Variants in C3orf20 observed in about 807,000 individuals in gnomAD.
C3orf20 encodes family with sequence similarity 149 member C.
In C3orf20, 76 loss-of-function variants were observed where a neutral mutation model predicts 88.3. The ratio of observed to expected loss-of-function variants is 0.86; its 90% CI spans 0.72 to 1.04. The LOEUF (loss-of-function observed/expected upper bound fraction) is 1.04. C3orf20 is among the 50% of genes least tolerant of loss of function. The pLI is 0.00. For missense variants in C3orf20, 1,056 were observed against 1,123.3 expected, an observed-to-expected ratio of 0.94 and a Z score of 0.86; for synonymous variants, 436 against 437.4, an observed-to-expected ratio of 1.00 and a Z score of 0.04.
chr3:14,728,561 T>C lies in C3orf20; in HGVS notation c.1813T>C (p.Leu605=), dbSNP rs376405500. ...AAGTTTATACTCAGGAGAAAGTCTT[T>C]TACGATCTCAGTCAGGCCACCTGGA... is the stretch of plus-strand genomic sequence containing the variant. The part of the protein sequence containing the change: ...KLSLYSGESL[L]RSQSGHLESS... Residue 605 remains leucine, a synonymous_variant, in exon 12 of 17, where the codon TTA becomes CTA. Transcript: ENST00000253697. 1 of 1,614,220 alleles carries C rather than the reference T, an allele frequency of 6.2e-7. No homozygotes were observed. The highest frequency in any genetic ancestry group is 8.5e-7 in the Non-Finnish European group (1 of 1,180,050).
At chr3:14,729,243 T>G in intron 12 of C3orf20, among the ~76,000 whole-genome samples, 1 of 151,952 alleles carries the variant, frequency 6.6e-6, no homozygotes, top group Non-Finnish European at 1.5e-5. Flanking sequence ...TGGGCTGTGG[T>G]AGAGGATGAG....
chr3:14,744,643 A>G (rs2035009777), intron 12 of C3orf20, among the ~76,000 whole-genome samples: 1 of 152,026 alleles, frequency 6.6e-6, no homozygotes, highest in Non-Finnish European at 1.5e-5. Flanking sequence ...TTGGACTTAC[A>G]GTTCCCCATG....
At chr3:14,729,304 A>G (rs571189895) in intron 12 of C3orf20, among the ~76,000 whole-genome samples, 3 of 152,280 alleles carry the variant, frequency 2.0e-5, no homozygotes, top group East Asian at 3.9e-4. Flanking sequence ...AAAGGATGAT[A>G]AACAGGCGGC....
intron 12 of C3orf20, among the ~76,000 whole-genome samples, chr3:14,741,971 G>T (rs1299166860): frequency 6.6e-6 from 1 of 152,204 alleles, no homozygotes; most frequent in Non-Finnish European, 1.5e-5. Flanking sequence ...AACTGACATG[G>T]CTCGCTGGTG....
chr3:14,734,405 T>A (rs755611043), intron 12 of C3orf20, among the ~76,000 whole-genome samples: 12 of 152,202 alleles, frequency 7.9e-5, no homozygotes, highest in Admixed American at 1.3e-4. Flanking sequence ...ATATGGTAAT[T>A]ATTAAGCTCA....
chr3:14,724,201 C>T (rs2034271543), intron 10 of C3orf20, among the ~76,000 whole-genome samples: 1 of 152,104 alleles, frequency 6.6e-6, no homozygotes, highest in Admixed American at 6.6e-5. Context: ...TTTTAGGTTG[C>T]GTTTTTAAAA....
chr3:14,703,046 G>C, intron 5 of C3orf20, 84 bp from the exon 6 acceptor site: 1 of 1,497,900 alleles, frequency 6.7e-7, no homozygotes, highest in Non-Finnish European at 9.2e-7. Flanking sequence ...TTGACTCCAG[G>C]TCTCACATCC....
chr3:14,693,147 A>G (rs991348720), intron 5 of C3orf20, among the ~76,000 whole-genome samples: 6 of 152,190 alleles, frequency 3.9e-5, no homozygotes, highest in African/African-American at 1.4e-4. Flanking sequence ...ATTTGAACTC[A>G]GGTAAGATGA....
In C3orf20 at chr3:14,745,370, T is replaced by C. The variant is rs1358885537; in HGVS notation, c.1941-12001T>C. Among the ~76,000 whole-genome samples the C allele has an allele frequency of 2.6e-5, 4 of 152,262 alleles. No homozygotes were observed. The South Asian group carries it at 6.2e-4, about 24-fold the overall frequency. On this transcript the variant is annotated intron_variant, in intron 12 of 16. Transcript: ENST00000253697. ...GCAAAACCCAACTAGAGTTTCCTTA[T>C]GCCTATGCAAGCAAGTGCAAATATG...
chr3:14,757,260 C>T, intron 12 of C3orf20, 111 bp from the exon 13 acceptor site: 1 of 937,636 alleles, frequency 1.1e-6, no homozygotes, highest in East Asian at 2.6e-5. Context: ...AGGGCCCAGA[C>T]TAAAATCTGC....
At position 14,728,555 on chromosome 3, in the gene C3orf20, A is replaced by G. The variant is rs776090324; in HGVS notation, c.1807A>G (p.Ser603Gly). 1.1e-5 allele frequency: 17 copies of G among 1,614,098 alleles called. No individual in the cohort carries two copies. The South Asian group carries it at 1.9e-4, about 18-fold the overall frequency. ...LPKLSLYSGESLLRSQSGHLE... is the reference protein window; with the variant it reads ...LPKLSLYSGEGLLRSQSGHLE... ...CAAGCTAAGTTTATACTCAGGAGAA[A>G]GTCTTTTACGATCTCAGTCAGGCCA... Residue 603 changes from serine to glycine, a missense_variant, in exon 12 of 17, where the codon AGT becomes GGT. Coordinates refer to ENST00000253697, the MANE Select transcript of C3orf20 (RefSeq NM_032137.5).
chr3:14,736,878 T>C (rs1268336006), intron 12 of C3orf20, among the ~76,000 whole-genome samples: 6 of 152,302 alleles, frequency 3.9e-5, no homozygotes, highest in South Asian at 4.1e-4. Flanking sequence ...ATTACCTACA[T>C]TTTGAGTGGT....
intron 12 of C3orf20, among the ~76,000 whole-genome samples, chr3:14,746,060 T>G (rs1160461695): frequency 6.6e-6 from 1 of 152,176 alleles, no homozygotes; most frequent in East Asian, 1.9e-4. Context: ...ATTCTCCATG[T>G]TTTACATAAA....
intron 5 of C3orf20, among the ~76,000 whole-genome samples, chr3:14,697,886 A>T (rs2033078759): frequency 6.6e-6 from 1 of 151,952 alleles, no homozygotes; most frequent in African/African-American, 2.4e-5. Context: ...AAGGACATGA[A>T]CTCATCCTTT....
At chr3:14,700,329 C>A (rs2033200441) in intron 5 of C3orf20, among the ~76,000 whole-genome samples, 1 of 152,146 alleles carries the variant, frequency 6.6e-6, no homozygotes, top group Non-Finnish European at 1.5e-5. Flanking sequence ...GGCCATCTTT[C>A]CCCACTCCTC....
At chr3:14,708,522 G>A (rs1285284768) in intron 7 of C3orf20, among the ~76,000 whole-genome samples, 3 of 150,730 alleles carry the variant, frequency 2.0e-5, no homozygotes, top group Non-Finnish European at 2.9e-5. Flanking sequence ...TTACAATTTA[G>A]TGTAAATTTT....
At chr3:14,756,028 C>CAAAAAAAAAAAAAAAAAAAAA (rs56242160) in intron 12 of C3orf20, among the ~76,000 whole-genome samples, 1 of 72,730 alleles carries the variant, frequency 1.4e-5, no homozygotes, top group African/African-American at 6.1e-5. Context: ...GACTCCATCT[C>CAAAAAAAAAAAAAAAAAAAAA]AAAAAAAAAA....
chr3:14,695,770 T>C (rs2032966993), intron 5 of C3orf20, among the ~76,000 whole-genome samples: 1 of 152,238 alleles, frequency 6.6e-6, no homozygotes. Context: ...CTATAGTTTT[T>C]GTTTCAAAAT....
At chr3:14,711,944 C>G (rs911196892) in intron 7 of C3orf20, among the ~76,000 whole-genome samples, 2 of 151,826 alleles carry the variant, frequency 1.3e-5, no homozygotes, top group African/African-American at 4.8e-5. Flanking sequence ...CTTCTCATTT[C>G]CTTTTCTCCA....
Sources: gnomAD v4.1 joint callset for allele counts (sites outside exome capture counted in the v4.1 genomes callset) on GRCh38, gnomAD v4.1.1 for gene constraint, MANE v1.5 for transcripts, NCBI Gene and HGNC (gene_info 2026-07-23, HGNC 2026-07-21) for gene names.